Variants in ZCCHC14 observed in about 807,000 individuals in gnomAD.
ZCCHC14 encodes the protein zinc finger CCHC-type containing 14, also known as zinc finger CCHC domain-containing protein 14.
In ZCCHC14, 16 loss-of-function variants were observed where a neutral mutation model predicts 85.0. That is an observed-to-expected ratio of 0.19 (90% confidence interval 0.13 to 0.29). The LOEUF (loss-of-function observed/expected upper bound fraction) is 0.29, where lower values mean the gene tolerates loss of function less well. Among genes scored for constraint, ZCCHC14 ranks in the 10% least tolerant of loss-of-function variants. The pLI is 1.00. For missense variants in ZCCHC14, 1,303 were observed against 1,443.5 expected, an observed-to-expected ratio of 0.90 and a Z score of 1.58; for synonymous variants, 775 against 630.7, an observed-to-expected ratio of 1.23 and a Z score of -3.43.
chr16:87,455,459 T>C (rs1031953646), intron 2 of ZCCHC14, among the ~76,000 whole-genome samples: 3 of 152,194 alleles, frequency 2.0e-5, no homozygotes, highest in Non-Finnish European at 4.4e-5. Context: ...AGATGTGTAG[T>C]GCATTCCTGT....
At chr16:87,461,529 C>T (rs1406633626) in intron 1 of ZCCHC14, among the ~76,000 whole-genome samples, 1 of 152,200 alleles carries the variant, frequency 6.6e-6, no homozygotes, top group Non-Finnish European at 1.5e-5. Context: ...TGGAAAATGG[C>T]CTGACCTCTC....
At chr16:87,431,267 A>G (rs1909643836) in intron 3 of ZCCHC14, among the ~76,000 whole-genome samples, 2 of 152,062 alleles carry the variant, frequency 1.3e-5, no homozygotes, top group African/African-American at 2.4e-5. Context: ...AGGTCAGGAC[A>G]TTGAGACCAT....
chr16:87,438,798 G>A (rs1038730583), intron 2 of ZCCHC14, among the ~76,000 whole-genome samples: 2 of 152,134 alleles, frequency 1.3e-5, no homozygotes, highest in Non-Finnish European at 2.9e-5. Flanking sequence ...GCACTGCCCC[G>A]GTCTTCCTCC....
intron 1 of ZCCHC14, among the ~76,000 whole-genome samples, chr16:87,490,519 G>C (rs541417662): frequency 3.3e-5 from 5 of 152,320 alleles, no homozygotes; most frequent in Non-Finnish European, 7.3e-5. Flanking sequence ...CAGACACTTT[G>C]CGTTTTCAGT....
chr16:87,461,652 G>A (rs929049889), intron 1 of ZCCHC14, among the ~76,000 whole-genome samples: 1 of 152,360 alleles, frequency 6.6e-6, no homozygotes, highest in Admixed American at 6.5e-5. Context: ...GCAGAGGGCT[G>A]GCCAGGTAGG....
intron 3 of ZCCHC14, among the ~76,000 whole-genome samples, chr16:87,424,652 G>A (rs986399431): frequency 8.5e-5 from 13 of 152,118 alleles, no homozygotes; most frequent in African/African-American, 2.4e-4. Context: ...CACAATGCTC[G>A]TCACATGAGG....
chr16:87,441,885 G>T (rs942827255), intron 2 of ZCCHC14, among the ~76,000 whole-genome samples: 1 of 152,196 alleles, frequency 6.6e-6, no homozygotes, highest in Non-Finnish European at 1.5e-5. Context: ...AAAGCCCCTG[G>T]AAGGGAGACG....
chr16:87,439,224 C>G (rs1056293774), intron 2 of ZCCHC14, among the ~76,000 whole-genome samples: 10 of 151,842 alleles, frequency 6.6e-5, no homozygotes, highest in African/African-American at 2.4e-4. Flanking sequence ...ACCTCTGCCT[C>G]CGAGGTTCAA....
chr16:87,469,739 G>A (rs1911695155), intron 1 of ZCCHC14, among the ~76,000 whole-genome samples: 1 of 152,136 alleles, frequency 6.6e-6, no homozygotes, highest in Admixed American at 6.5e-5. Flanking sequence ...GATCCAGGAG[G>A]GGCACCGGCA....
chr16:87,463,561 G>A (rs149747043), intron 1 of ZCCHC14, among the ~76,000 whole-genome samples: 2,537 of 152,252 alleles, frequency 0.017, 25 homozygotes, highest in Middle Eastern at 0.048. Context: ...GCTCACGTCT[G>A]TAATCCCAGC....
intron 2 of ZCCHC14, among the ~76,000 whole-genome samples, chr16:87,454,012 C>T (rs978657923): frequency 6.6e-6 from 1 of 152,132 alleles, no homozygotes; most frequent in African/African-American, 2.4e-5. Context: ...AATACAATAT[C>T]TGGTATGAAA....
At chr16:87,463,759 G>T (rs1400669623) in intron 1 of ZCCHC14, among the ~76,000 whole-genome samples, 3 of 152,170 alleles carry the variant, frequency 2.0e-5, no homozygotes, top group Admixed American at 2.0e-4. Context: ...GGAGGTGGAG[G>T]TTGCAGTGAG....
intron 5 of ZCCHC14, 52 bp from the exon 6 acceptor site, chr16:87,419,929 C>G (rs763033064): frequency 2.7e-6 from 4 of 1,479,664 alleles, no homozygotes; most frequent in Admixed American, 2.2e-5. Context: ...TTCCTGCTGA[C>G]GAATTGAAAG....
chr16:87,471,312 G>GT (rs1425522158), intron 1 of ZCCHC14: 1 of 152,196 alleles, frequency 6.6e-6, no homozygotes, highest in Non-Finnish European at 1.5e-5. Context: ...AAGACAGACA[G>GT]TTTAAGAGTG....
Position 87,492,351 on chromosome 16 carries a change from C to T in ZCCHC14, c.-113G>A, listed in dbSNP as rs898070362. On this transcript the variant is annotated 5_prime_UTR_variant, in exon 1 of 13. Coordinates refer to ENST00000671377, the MANE Select transcript of ZCCHC14 (RefSeq NM_015144.3). This position sits in a 1 kb window ranked among gnomAD's most constrained non-coding sequence, Gnocchi z 6.7. ...GGGACCGGGGACGCGCGGGCCGGGG[C>T]CGGGTCCGGGCGAGGGCGCGCGGGC... is the stretch of plus-strand genomic sequence containing the variant. 4.5e-6 allele frequency: 1 copy of T among 224,348 alleles called. No individual in the cohort carries two copies. Among genetic ancestry groups the T allele is most frequent in the Non-Finnish European group, 7.2e-6 (1 of 138,776 alleles). 13.9% of individuals were successfully genotyped at this position (224,348 alleles called of 1,614,324 possible).
chr16:87,460,082 T>C lies in ZCCHC14; in HGVS notation c.620A>G (p.Glu207Gly). ...APVSSVSNSL[E>G]NALHTSAHST... ...ATGTGCTGATGTGTGCAGGGCATTC[T>C]CCAAACTATTACTGACACTGCTGAC... The change falls in exon 2 of 13, where the codon GAG becomes GGG. Residue 207 changes from glutamate (E) to glycine (G), a missense_variant. Physicochemically the swap from Glu to Gly is moderately conservative, Grantham distance 98 (BLOSUM62 -2). Transcript: ENST00000671377. 1 of 1,614,146 alleles carries C rather than the reference T, an allele frequency of 6.2e-7. No homozygotes were observed. The highest frequency in any genetic ancestry group is 1.1e-5 in the South Asian group (1 of 91,084).
At chr16:87,431,376 G>A (rs1909648757) in intron 3 of ZCCHC14, among the ~76,000 whole-genome samples, 1 of 151,584 alleles carries the variant, frequency 6.6e-6, no homozygotes, top group Admixed American at 6.6e-5. Context: ...AGGAGGCTGA[G>A]GCAGGAAAAT....
At chr16:87,455,758 T>G (rs1378653794) in intron 2 of ZCCHC14, among the ~76,000 whole-genome samples, 1 of 152,224 alleles carries the variant, frequency 6.6e-6, no homozygotes, top group African/African-American at 2.4e-5. Context: ...AAAAGCAACA[T>G]GCATTCAGAA....
At chr16:87,442,805 T>C (rs569401504) in intron 2 of ZCCHC14, among the ~76,000 whole-genome samples, 2 of 152,212 alleles carry the variant, frequency 1.3e-5, no homozygotes. Context: ...TTCAAATGAC[T>C]GGGACTTTCG....
Sources: gnomAD v4.1 joint callset for allele counts (sites outside exome capture counted in the v4.1 genomes callset) on GRCh38, gnomAD v4.1.1 for gene constraint, Gnocchi (gnomAD v3.1) non-coding constraint, MANE v1.5 for transcripts, NCBI Gene and HGNC (gene_info 2026-07-23, HGNC 2026-07-21) for gene names.